Variants in NRG3 observed in about 807,000 individuals in gnomAD.
The protein encoded by NRG3 is pro-neuregulin-3, membrane-bound isoform.
A neutral mutation model predicts 66.9 loss-of-function variants in NRG3; 31 were observed. That is an observed-to-expected ratio of 0.46 (90% confidence interval 0.35 to 0.63). NRG3 has a LOEUF of 0.63. NRG3 is among the 20% of genes least tolerant of loss of function. The pLI, the probability that NRG3 is intolerant of heterozygous loss-of-function variation, is 0.00. For missense variants in NRG3, 910 were observed against 878.9 expected (o/e 1.04, Z -0.45); for synonymous variants, 393 against 359.4 (o/e 1.09, Z -1.06).
At chr10:82,123,113 C>T (rs1285966929) in intron 1 of NRG3, among the ~76,000 whole-genome samples, 3 of 151,968 alleles carry the variant, frequency 2.0e-5, no homozygotes, top group African/African-American at 4.8e-5. Flanking sequence ...AAATTATGAA[C>T]TTTGGTCTCC....
rs187702241 is a variant in NRG3 at position 82,942,109 on chromosome 10, G to T, written c.1055-9360G>T. 6.6e-5 allele frequency among the ~76,000 whole-genome samples: 10 copies of T among 152,068 alleles called. No individual in the cohort carries two copies. In the East Asian group the frequency reaches 1.9e-3, roughly 29 times the overall value. On this transcript the variant is annotated intron_variant, in intron 4 of 8. Coordinates refer to ENST00000372141, the MANE Select transcript of NRG3 (RefSeq NM_001010848.4). Reference sequence around the variant, plus strand: ...TGTCTTTTAGGCCACCCTAAAAATGGTGGTACAAAGGAAATGTTCTCAAGA... The same window carrying T: ...TGTCTTTTAGGCCACCCTAAAAATGTTGGTACAAAGGAAATGTTCTCAAGA...
intron 1 of NRG3, among the ~76,000 whole-genome samples, chr10:82,121,866 G>A (rs569928797): frequency 1.3e-5 from 2 of 152,112 alleles, no homozygotes; most frequent in African/African-American, 4.8e-5. Flanking sequence ...TCAAACCCCT[G>A]GGCTCCAGCA....
At chr10:81,979,277 C>T (rs1432816630) in intron 1 of NRG3, among the ~76,000 whole-genome samples, 1 of 151,980 alleles carries the variant, frequency 6.6e-6, no homozygotes, top group Non-Finnish European at 1.5e-5. Context: ...CTGATTTCCT[C>T]CACAGAGTCT....
chr10:82,264,816 T>C (rs2078214464), intron 1 of NRG3, among the ~76,000 whole-genome samples: 2 of 152,028 alleles, frequency 1.3e-5, no homozygotes, highest in South Asian at 4.2e-4. Flanking sequence ...GAACTGAGAA[T>C]TGCCTGTTGG....
intron 2 of NRG3, among the ~76,000 whole-genome samples, chr10:82,686,680 G>A (rs185309941): frequency 7.9e-5 from 12 of 152,226 alleles, no homozygotes; most frequent in Non-Finnish European, 1.3e-4. Context: ...CTAAAACGTC[G>A]TTATGCAGTG....
At chr10:82,984,018 C>T (rs1207288820) in intron 8 of NRG3, among the ~76,000 whole-genome samples, 1 of 152,170 alleles carries the variant, frequency 6.6e-6, no homozygotes, top group African/African-American at 2.4e-5. Flanking sequence ...CATGTATAAA[C>T]ATGATTTTCA....
At chr10:82,445,704 A>T (rs571995661) in intron 2 of NRG3, among the ~76,000 whole-genome samples, 1 of 152,302 alleles carries the variant, frequency 6.6e-6, no homozygotes, top group East Asian at 1.9e-4. Context: ...CCTGGGAGCC[A>T]GGTCCTTTTC....
At chr10:82,767,893 C>CTCTA (rs2059577172) in intron 3 of NRG3, among the ~76,000 whole-genome samples, 1 of 151,926 alleles carries the variant, frequency 6.6e-6, no homozygotes, top group Non-Finnish European at 1.5e-5. Context: ...CTCTCTCTCT[C>CTCTA]TCTCTCATCC....
At chr10:82,950,664 G>T (rs1200116923) in intron 4 of NRG3, among the ~76,000 whole-genome samples, 1 of 152,184 alleles carries the variant, frequency 6.6e-6, no homozygotes, top group Non-Finnish European at 1.5e-5. Flanking sequence ...CATGGTCACT[G>T]TCCTATATAA....
At chr10:82,931,776 C>T (rs1321342677) in intron 4 of NRG3, among the ~76,000 whole-genome samples, 3 of 152,090 alleles carry the variant, frequency 2.0e-5, no homozygotes, top group Admixed American at 6.6e-5. Context: ...TGCAGTCTGC[C>T]GTCTGAGTGC....
chr10:82,019,873 C>CT (rs2061980327), intron 1 of NRG3, among the ~76,000 whole-genome samples: 1 of 151,964 alleles, frequency 6.6e-6, no homozygotes, highest in Non-Finnish European at 1.5e-5. Flanking sequence ...TTTTGTTGAT[C>CT]TTTTCAAAAA....
chr10:82,929,207 T>G (rs777016248), intron 4 of NRG3, among the ~76,000 whole-genome samples: 1 of 152,178 alleles, frequency 6.6e-6, no homozygotes, highest in Non-Finnish European at 1.5e-5. Context: ...CCCTGTAAGA[T>G]GCTCACATGC....
chr10:82,521,106 C>T (rs1225312563), intron 2 of NRG3, among the ~76,000 whole-genome samples: 4 of 152,188 alleles, frequency 2.6e-5, no homozygotes, highest in Non-Finnish European at 4.4e-5. Flanking sequence ...AAGTCACACT[C>T]TTTTGATTTA....
chr10:82,118,829 A>G (rs2067894575), intron 1 of NRG3, among the ~76,000 whole-genome samples: 1 of 152,068 alleles, frequency 6.6e-6, no homozygotes, highest in African/African-American at 2.4e-5. Context: ...ACTCCTGATG[A>G]GCCTTTTCTC....
chr10:82,328,171 C>A (rs2081967556), intron 1 of NRG3, among the ~76,000 whole-genome samples: 1 of 152,116 alleles, frequency 6.6e-6, no homozygotes, highest in Admixed American at 6.5e-5. Flanking sequence ...CCTTATATTG[C>A]AGAAGCCAAC....
At chr10:82,052,292 T>C (rs2063637161) in intron 1 of NRG3, among the ~76,000 whole-genome samples, 1 of 152,170 alleles carries the variant, frequency 6.6e-6, no homozygotes. Flanking sequence ...ACCAGTACTC[T>C]TTCAGATGAC....
intron 3 of NRG3, among the ~76,000 whole-genome samples, chr10:82,775,735 T>C (rs1302305061): frequency 6.6e-6 from 1 of 152,160 alleles, no homozygotes; most frequent in African/African-American, 2.4e-5. Flanking sequence ...CTGTTGAAAG[T>C]GAGGTATTGA....
intron 4 of NRG3, among the ~76,000 whole-genome samples, chr10:82,904,541 T>C (rs915593694): frequency 6.6e-6 from 1 of 152,202 alleles, no homozygotes; most frequent in African/African-American, 2.4e-5. Flanking sequence ...AAGTATGGTT[T>C]ATGCACATCT....
chr10:81,902,096 T>G (rs373347029), intron 1 of NRG3, among the ~76,000 whole-genome samples: 2 of 152,200 alleles, frequency 1.3e-5, no homozygotes, highest in African/African-American at 4.8e-5. Flanking sequence ...AGGGGATCTC[T>G]GCGTATTTTG....
Sources: allele counts gnomAD v4.1 joint callset (sites outside exome capture counted in the v4.1 genomes callset), GRCh38; gene constraint gnomAD v4.1.1; transcripts MANE v1.5; gene names NCBI Gene and HGNC (gene_info 2026-07-23, HGNC 2026-07-21).